TMTC2: variants seen among roughly 807,000 people sequenced by gnomAD.
The protein encoded by TMTC2 is protein O-mannosyl-transferase TMTC2.
A neutral mutation model predicts 82.4 loss-of-function variants in TMTC2; 43 were observed. That is an observed-to-expected ratio of 0.52 (90% CI 0.41 to 0.67). The LOEUF is 0.67. TMTC2 is among the 30% of genes least tolerant of loss of function. TMTC2 has a pLI of 0.00. For synonymous variants in TMTC2, 408 were observed against 381.9 expected, an observed-to-expected ratio of 1.07 and a Z score of -0.80; for missense variants, 919 against 1,012.4, an observed-to-expected ratio of 0.91 and a Z score of 1.25.
intron 1 of TMTC2, among the ~76,000 whole-genome samples, chr12:82,708,492 T>C (rs1873475511): frequency 6.6e-6 from 1 of 152,216 alleles, no homozygotes; most frequent in Non-Finnish European, 1.5e-5. Context: ...CTAGATGGCA[T>C]GGACCCCATG....
intron 1 of TMTC2, among the ~76,000 whole-genome samples, chr12:82,714,940 G>T (rs900292162): frequency 2.0e-5 from 3 of 152,052 alleles, no homozygotes; most frequent in African/African-American, 4.8e-5. Context: ...CTCTAGGTTT[G>T]CTAAAAATCA....
At chr12:82,776,442 G>A (rs1344867788) in intron 1 of TMTC2, among the ~76,000 whole-genome samples, 2 of 151,924 alleles carry the variant, frequency 1.3e-5, no homozygotes, top group Non-Finnish European at 2.9e-5. Context: ...ACCAAAATCT[G>A]CTGGGTAAAT....
At chr12:83,004,155 T>C (rs1050110065) in intron 8 of TMTC2, among the ~76,000 whole-genome samples, 1 of 152,204 alleles carries the variant, frequency 6.6e-6, no homozygotes, top group Non-Finnish European at 1.5e-5. Context: ...CTTGCCCTGT[T>C]GTGTTGTTAA....
intron 7 of TMTC2, among the ~76,000 whole-genome samples, chr12:82,978,137 T>G (rs1878762781): frequency 6.6e-6 from 1 of 151,658 alleles, no homozygotes; most frequent in Non-Finnish European, 1.5e-5. Context: ...GAAAACAGAG[T>G]TATAACTATT....
chr12:83,072,576 G>C (rs1157821590), intron 11 of TMTC2, among the ~76,000 whole-genome samples: 1 of 152,132 alleles, frequency 6.6e-6, no homozygotes, highest in Non-Finnish European at 1.5e-5. Flanking sequence ...CTGTCTTGAT[G>C]ATCTGTCTAG....
chr12:82,716,041 G>A (rs768159659), intron 1 of TMTC2, among the ~76,000 whole-genome samples: 4 of 152,184 alleles, frequency 2.6e-5, no homozygotes, highest in Non-Finnish European at 5.9e-5. Context: ...GATAAGAGGT[G>A]TTTTGATTCT....
rs763058627 is a variant in TMTC2, at chr12:82,896,124, C to T, written c.961C>T (p.Leu321Phe). ...LHTVAFYTGL[L>F]LLAYYGLKSP... is the part of the protein sequence containing the mutation. ...CACTGTGGCCTTCTATACTGGACTCCTTCTCCTTGCCTACTATGGTTTGAA... is the reference window on the plus strand; with the variant it reads ...CACTGTGGCCTTCTATACTGGACTCTTTCTCCTTGCCTACTATGGTTTGAA... The change falls in exon 3 of 12, where the codon CTT becomes TTT. Residue 321 changes from leucine to phenylalanine, a missense_variant. Coordinates refer to ENST00000321196, the MANE Select transcript of TMTC2 (RefSeq NM_152588.3). The T allele has an allele frequency of 1.2e-6, 2 of 1,613,830 alleles. No individual in the cohort carries two copies. Among genetic ancestry groups the T allele is most frequent in the East Asian group, 2.2e-5 (1 of 44,870 alleles).
chr12:82,818,449 T>C (rs1377648858), intron 1 of TMTC2, among the ~76,000 whole-genome samples: 2 of 152,192 alleles, frequency 1.3e-5, no homozygotes, highest in Non-Finnish European at 2.9e-5. Flanking sequence ...TTTGCCTGAC[T>C]CTTTCCATGC....
intron 2 of TMTC2, among the ~76,000 whole-genome samples, chr12:82,891,235 A>G (rs1448085670): frequency 5.3e-5 from 8 of 152,246 alleles, no homozygotes; most frequent in Admixed American, 4.6e-4. Flanking sequence ...GGCCATCTCC[A>G]CAAGAACAGT....
chr12:82,798,063 C>T (rs1878808110), intron 1 of TMTC2, among the ~76,000 whole-genome samples: 1 of 149,934 alleles, frequency 6.7e-6, no homozygotes, highest in African/African-American at 2.4e-5. Context: ...TCACACCATT[C>T]TCCTGCCTCA....
chr12:82,963,393 A>G (rs1201968128), intron 4 of TMTC2, among the ~76,000 whole-genome samples: 1 of 151,930 alleles, frequency 6.6e-6, no homozygotes, highest in African/African-American at 2.4e-5. Flanking sequence ...ATAGAATTAA[A>G]TATCTAGATG....
intron 1 of TMTC2, among the ~76,000 whole-genome samples, chr12:82,806,589 T>C (rs1222062917): frequency 1.3e-5 from 2 of 152,206 alleles, no homozygotes; most frequent in East Asian, 3.8e-4. Context: ...TCATTACTAA[T>C]ACTATTGACT....
chr12:82,757,246 G>A (rs1012255905), intron 1 of TMTC2, among the ~76,000 whole-genome samples: 1 of 152,164 alleles, frequency 6.6e-6, no homozygotes, highest in Non-Finnish European at 1.5e-5. Flanking sequence ...GCTTAAGGAA[G>A]CATTCCTCTG....
chr12:82,721,382 T>TGCC (rs1379694100), intron 1 of TMTC2, among the ~76,000 whole-genome samples: 2 of 152,244 alleles, frequency 1.3e-5, no homozygotes, highest in Non-Finnish European at 2.9e-5. Context: ...TGCTTGCTTT[T>TGCC]GCCCTTATAA....
chr12:82,948,369 T>TAAAC (rs1555200153), intron 4 of TMTC2, among the ~76,000 whole-genome samples: 2 of 15,412 alleles, frequency 1.3e-4, no homozygotes, highest in African/African-American at 7.4e-4. Flanking sequence ...TACCTTAATT[T>TAAAC]AAACAAAAAA....
intron 1 of TMTC2, among the ~76,000 whole-genome samples, chr12:82,742,513 T>C (rs1442115284): frequency 6.6e-6 from 1 of 151,340 alleles, no homozygotes; most frequent in African/African-American, 2.4e-5. Flanking sequence ...CACTATATCC[T>C]GTATATTCTT....
At chr12:82,918,968 G>T (rs933238149) in intron 3 of TMTC2, among the ~76,000 whole-genome samples, 1 of 152,186 alleles carries the variant, frequency 6.6e-6, no homozygotes, top group Non-Finnish European at 1.5e-5. Context: ...ATGTTGGCCA[G>T]GCTGGTCTTG....
chr12:83,117,193 C>T (rs1290330200), intron 11 of TMTC2, among the ~76,000 whole-genome samples: 1 of 152,036 alleles, frequency 6.6e-6, no homozygotes, highest in East Asian at 1.9e-4. Flanking sequence ...TGTTCTTTCC[C>T]CACTTTGTTT....
At chr12:82,966,788 T>A in intron 6 of TMTC2, 131 bp from the exon 7 acceptor site, 1 of 578,912 alleles carries the variant, frequency 1.7e-6, no homozygotes, top group Non-Finnish European at 2.9e-6. Context: ...GTTCAATTAT[T>A]TTCCTCTAGT....
Sources: allele counts gnomAD v4.1 joint callset (sites outside exome capture counted in the v4.1 genomes callset), GRCh38; gene constraint gnomAD v4.1.1; transcripts MANE v1.5; gene names NCBI Gene and HGNC (gene_info 2026-07-23, HGNC 2026-07-21).